IL36RN: variants seen among roughly 807,000 people sequenced by gnomAD.
IL36RN encodes interleukin 36 receptor antagonist.
IL36RN carries 11 observed loss-of-function variants against 13.0 expected under a neutral mutation model. The ratio of observed to expected loss-of-function variants is 0.85; its 90% CI spans 0.53 to 1.40. The LOEUF is 1.40. IL36RN is among the 40% of genes most tolerant of loss of function. The pLI is 0.00. For missense variants in IL36RN, 195 were observed against 195.3 expected (o/e 1.00, Z 0.01); for synonymous variants, 94 against 84.1 (o/e 1.12, Z -0.64).
At chr2:113,059,593 C>A in intron 2 of IL36RN, 126 bp downstream of exon 2, 1 of 1,086,826 alleles carries the variant, frequency 9.2e-7, no homozygotes, top group Non-Finnish European at 1.4e-6. Flanking sequence ...GAAATTGTGA[C>A]CAGCACCTCA....
At chr2:113,062,410 C>G (rs749501046) in intron 4 of IL36RN, 43 bp from the exon 5 acceptor site, 3 of 1,610,298 alleles carry the variant, frequency 1.9e-6, no homozygotes, top group South Asian at 2.2e-5. Context: ...CTCCCTCTGC[C>G]CCTGCTTCTG....
rs1476532102 is a variant in IL36RN at position 113,059,482 on chromosome 2, C to T, written c.29+15C>T. On this transcript the variant is annotated intron_variant, in intron 2 of 4. Coordinates refer to ENST00000393200, the MANE Select transcript of IL36RN (RefSeq NM_012275.3). ...CTGTGCTTCCGGTGAGTGTATGAGG[C>T]CCTGGTTTGGTGGTGTCCTCCGGAG... is the stretch of plus-strand genomic sequence containing the variant. The T allele has an allele frequency of 8.1e-6, 13 of 1,613,500 alleles. No individual in the cohort carries two copies. Among genetic ancestry groups the T allele is most frequent in the Non-Finnish European group, 1.1e-5 (13 of 1,179,996 alleles).
In IL36RN at chr2:113,062,877, G is replaced by GGAT; in HGVS notation, c.*202_*204dup. The GGAT allele has an allele frequency of 1.6e-6, 1 of 638,284 alleles. No homozygotes were observed. The highest frequency in any genetic ancestry group is 2.8e-6 in the Non-Finnish European group (1 of 352,912). The allele number at this position is 638,284 out of a possible 1,614,324, so 39.5% of individuals were successfully genotyped here. A position where few individuals can be genotyped will look rare whatever the true frequency, so the allele number is the denominator to read the frequency against. The stretch of plus-strand genomic sequence containing the variant: ...GCTCAGTCCACGGTCCTCCCCCACT[G>GGAT]GATGGTGCTACTGCTGTGGAATCTT... On this transcript the variant is annotated 3_prime_UTR_variant, in exon 5 of 5. Coordinates refer to ENST00000393200, the MANE Select transcript of IL36RN (RefSeq NM_012275.3).
Position 113,062,146 on chromosome 2 carries a change from C to T in IL36RN, c.138C>T (p.Pro46=). 9 of 1,614,106 alleles carry T rather than the reference C, an allele frequency of 5.6e-6. No individual in the cohort carries two copies. The highest frequency in any genetic ancestry group is 7.6e-6 in the Non-Finnish European group (9 of 1,179,972). Residue 46 remains proline, a synonymous_variant, in exon 4 of 5, where the codon CCC becomes CCT. Coordinates refer to ENST00000393200, the MANE Select transcript of IL36RN (RefSeq NM_012275.3). ...VIKGEEISVV[P]NRWLDASLSP... is the part of the protein sequence containing the mutation. The stretch of plus-strand genomic sequence containing the variant: ...CAGGTGAAGAGATCAGCGTGGTCCC[C>T]AATCGGTGGCTGGATGCCAGCCTGT...
chr2:113,062,401 T>G, intron 4 of IL36RN, 52 bp from the exon 5 acceptor site: 4 of 1,608,014 alleles, frequency 2.5e-6, no homozygotes, highest in Non-Finnish European at 3.4e-6. Flanking sequence ...TGCCCAGCCC[T>G]CCCTCTGCCC....
chr2:113,061,560 G>A (rs561426824), intron 3 of IL36RN, among the ~76,000 whole-genome samples: 69 of 92,506 alleles, frequency 7.5e-4, no homozygotes, highest in African/African-American at 3.5e-3. Flanking sequence ...GTGCATGCAG[G>A]CATATATGTG....
intron 2 of IL36RN, 84 bp from the exon 3 acceptor site, chr2:113,060,768 G>A (rs556958016): frequency 2.1e-6 from 2 of 937,058 alleles, no homozygotes; most frequent in African/African-American, 1.6e-5. Context: ...AAATGCCTGA[G>A]ATCAGGGGGT....
rs540961337 is a variant in IL36RN, at chr2:113,062,072, G to T, written c.116-52G>T. 1.1e-4 allele frequency: 183 copies of T among 1,601,010 alleles called. No homozygotes were observed. The East Asian group carries it at 4.0e-3, about 35-fold the overall frequency. ...CTGTGCCCTAGAGCCCAGGACAGGGGAAGAAGGAGGGAAAGGCATCCAGGG... is the reference window on the plus strand; with the variant it reads ...CTGTGCCCTAGAGCCCAGGACAGGGTAAGAAGGAGGGAAAGGCATCCAGGG... On this transcript the variant is annotated intron_variant, in intron 3 of 4. Transcript: ENST00000393200.
rs28938777 is a variant in IL36RN, at chr2:113,062,148, A to C, written c.140A>C (p.Asn47Thr). Residue 47 changes from asparagine to threonine, a missense_variant, in exon 4 of 5, where the codon AAT (asparagine) becomes ACT (threonine). Transcript: ENST00000393200. ...IKGEEISVVP[N>T]RWLDASLSPV... ...GGTGAAGAGATCAGCGTGGTCCCCA[A>C]TCGGTGGCTGGATGCCAGCCTGTCC... The C allele has an allele frequency of 1.2e-6, 2 of 1,613,866 alleles. No homozygotes were observed. Among genetic ancestry groups the C allele is most frequent in the Admixed American group, 1.7e-5 (1 of 60,000 alleles).
Position 113,060,895 on chromosome 2 carries a change from C to A in IL36RN, c.73C>A (p.Gln25Lys). ...GAAGGTGCTTTATCTGCATAATAAC[C>A]AGCTTCTAGCTGGAGGGCTGCATGC... The part of the protein sequence containing the change: ...ALKVLYLHNN[Q>K]LLAGGLHAGK... Residue 25 changes from glutamine (Q) to lysine (K), a missense_variant, in exon 3 of 5, where the codon CAG (glutamine) becomes AAG (lysine). By Grantham distance (53) the Gln-to-Lys change is moderately conservative. Coordinates refer to ENST00000393200, the MANE Select transcript of IL36RN (RefSeq NM_012275.3). The A allele has an allele frequency of 6.2e-7, 1 of 1,614,162 alleles. No homozygotes were observed. Among genetic ancestry groups the A allele is most frequent in the South Asian group, 1.1e-5 (1 of 91,076 alleles).
At chr2:113,061,681 T>C (rs2515397) in intron 3 of IL36RN, among the ~76,000 whole-genome samples, 104,984 of 152,064 alleles carry the variant, frequency 0.69, 37,083 homozygotes, top group East Asian at 0.93. Flanking sequence ...TGTATCTGTG[T>C]ATGTATGTAT....
chr2:113,064,240 A>C lies in IL36RN; in HGVS notation c.*1563A>C, dbSNP rs1037909986. The C allele has an allele frequency of 6.6e-6, 1 of 152,216 alleles. No homozygotes were observed. Among genetic ancestry groups the C allele is most frequent in the African/African-American group, 2.4e-5 (1 of 41,456 alleles). The allele number at this position is 152,216 out of a possible 1,614,324, so 9.4% of individuals were successfully genotyped here. A position where few individuals can be genotyped will look rare whatever the true frequency, so the allele number is the denominator to read the frequency against. On this transcript the variant is annotated 3_prime_UTR_variant, in exon 5 of 5. Transcript: ENST00000393200. ...ACGGCTCTGCTGAAACCTTAATCTC[A>C]GACTTCCAGCCTCCTGAACGAAGAA...
At chr2:113,059,360 C>A in intron 1 of IL36RN, 52 bp from the exon 2 acceptor site, 1 of 1,536,840 alleles carries the variant, frequency 6.5e-7, no homozygotes, top group Non-Finnish European at 9.0e-7. Context: ...CCCCAGACCC[C>A]AGCCAACTCA....
chr2:113,062,443 C>T lies in IL36RN; in HGVS notation c.244-10C>T. 1 of 1,614,030 alleles carries T rather than the reference C, an allele frequency of 6.2e-7. No individual in the cohort carries two copies. The highest frequency in any genetic ancestry group is 1.1e-5 in the South Asian group (1 of 91,076). On this transcript the variant is annotated splice_polypyrimidine_tract_variant and intron_variant, in intron 4 of 4. Coordinates refer to ENST00000393200, the MANE Select transcript of IL36RN (RefSeq NM_012275.3). Reference sequence around the variant, plus strand: ...CTGCCCTCACCTGACCTCCCCTCCTCTGCCGGCAGCCAGTGAACATCATGG... The same window carrying T: ...CTGCCCTCACCTGACCTCCCCTCCTTTGCCGGCAGCCAGTGAACATCATGG...
At position 113,062,666 on chromosome 2, in the gene IL36RN, C is replaced by T. The variant is rs1205578034; in HGVS notation, c.457C>T (p.Gln153Ter). Reference protein sequence around the residue: ...NAPITDFYFQQCD With the variant: ...NAPITDFYFQ ...CCCCATCACAGACTTCTACTTCCAG[C>T]AGTGTGACTAGGGCAACGTGCCCCC... The change falls in exon 5 of 5, where the codon CAG becomes TAG. Residue 153 changes from glutamine (Q) to a stop codon, truncating the protein, a stop_gained. Transcript: ENST00000393200. LOFTEE classifies it high-confidence loss of function. The T allele has an allele frequency of 3.1e-6, 5 of 1,611,110 alleles. No homozygotes were observed. The highest frequency in any genetic ancestry group is 4.2e-6 in the Non-Finnish European group (5 of 1,179,944).
rs141149898 is a variant in IL36RN, at chr2:113,063,945, G to A, written c.*1268G>A. 2.3e-4 allele frequency: 35 copies of A among 152,338 alleles called. No individual in the cohort carries two copies. Among genetic ancestry groups the A allele is most frequent in the African/African-American group, 8.2e-4 (34 of 41,562 alleles). The allele number at this position is 152,338 out of a possible 1,614,324, so 9.4% of individuals were successfully genotyped here. The stretch of plus-strand genomic sequence containing the variant: ...CATCCTTCTTGGAATCTCAGTCTGT[G>A]AGTTTATTTGGAGATAAGGTCTCTG... On this transcript the variant is annotated 3_prime_UTR_variant, in exon 5 of 5. Transcript: ENST00000393200.
intron 3 of IL36RN, 46 bp from the exon 4 acceptor site, chr2:113,062,074 AGAAG>A: frequency 6.2e-7 from 1 of 1,602,036 alleles, no homozygotes; most frequent in Non-Finnish European, 8.5e-7. Flanking sequence ...GGACAGGGGA[AGAAG>A]GAGGGAAAGG....
chr2:113,060,808 C>A, intron 2 of IL36RN, 44 bp from the exon 3 acceptor site: 1 of 1,404,718 alleles, frequency 7.1e-7, no homozygotes, highest in South Asian at 1.2e-5. Context: ...CTGGAGTGTC[C>A]ACCCTCCTCC....
chr2:113,062,458 G>C lies in IL36RN; in HGVS notation c.249G>C (p.Val83=). Residue 83 remains valine (V), a synonymous_variant, in exon 5 of 5, where the codon GTG becomes GTC. Transcript: ENST00000393200. ...GQEPTLTLEP[V]NIMELYLGAK... Reference sequence around the variant, plus strand: ...CTCCCCTCCTCTGCCGGCAGCCAGTGAACATCATGGAGCTCTATCTTGGTG... The same window carrying C: ...CTCCCCTCCTCTGCCGGCAGCCAGTCAACATCATGGAGCTCTATCTTGGTG... The C allele has an allele frequency of 6.2e-7, 1 of 1,614,080 alleles. No individual in the cohort carries two copies. The highest frequency in any genetic ancestry group is 8.5e-7 in the Non-Finnish European group (1 of 1,180,022).
Sources: allele counts gnomAD v4.1 joint callset (sites outside exome capture counted in the v4.1 genomes callset), GRCh38; gene constraint gnomAD v4.1.1; transcripts MANE v1.5; gene names NCBI Gene and HGNC (gene_info 2026-07-23, HGNC 2026-07-21).